The following TMEM116 variants were observed in gnomAD, a reference collection of about 807,000 sequenced individuals.
TMEM116 encodes transmembrane protein 116.
In TMEM116, 38 loss-of-function variants were observed where a neutral mutation model predicts 44.3. The observed-to-expected ratio is 0.86, with a 90% CI of 0.66 to 1.12. TMEM116 has a LOEUF of 1.12. Ranked by LOEUF, TMEM116 falls within the 50% of genes most tolerant of loss-of-function variation. The probability of loss-of-function intolerance (pLI) is 0.00; values close to 1 mark genes in which losing one functional copy is unlikely to be tolerated. For synonymous variants in TMEM116, 132 were observed against 144.8 expected (o/e 0.91, Z 0.64); for missense variants, 354 against 401.7 (o/e 0.88, Z 1.01).
In TMEM116 at chr12:111,966,333, G is replaced by C. The variant is rs141527855; in HGVS notation, c.211-22964C>G. Among the ~76,000 whole-genome samples, 910 of 152,184 alleles carry C rather than the reference G, an allele frequency of 6.0e-3. 15 individuals carry two copies. Among genetic ancestry groups the C allele is most frequent in the East Asian group, 0.04 (209 of 5,182 alleles). The stretch of plus-strand genomic sequence containing the variant: ...AAAAAAACAAAGAAGAAATTTAGCT[G>C]TGGTACCAGACTTAAGGTGATCTCG... On this transcript the variant is annotated intron_variant, in intron 4 of 10. Coordinates refer to ENST00000552374, the MANE Select transcript of TMEM116 (RefSeq NM_001193531.2).
intron 5 of TMEM116, among the ~76,000 whole-genome samples, chr12:111,939,210 C>G (rs904992418): frequency 6.6e-6 from 1 of 151,770 alleles, no homozygotes; most frequent in Non-Finnish European, 1.5e-5. Flanking sequence ...ATCCTAGCAC[C>G]ATGGGAGGCC....
chr12:111,937,287 A>T, intron 6 of TMEM116, 44 bp from the exon 7 acceptor site: 1 of 1,443,154 alleles, frequency 6.9e-7, no homozygotes, highest in Non-Finnish European at 9.7e-7. Context: ...ACTCTTTTTC[A>T]TGCCCTTCCT....
chr12:111,934,695 T>TTGAACC (rs1482423499), intron 8 of TMEM116: 2 of 151,716 alleles, frequency 1.3e-5, no homozygotes, highest in Admixed American at 6.6e-5. Context: ...GAGGCAGAGG[T>TTGAACC]TGTAGTGAGC....
chr12:111,994,478 C>A lies in TMEM116; in HGVS notation c.79-2589G>T, dbSNP rs564489548. Among the ~76,000 whole-genome samples, 12 of 152,232 alleles carry A rather than the reference C, an allele frequency of 7.9e-5. No individual in the cohort carries two copies. In the South Asian group the frequency reaches 2.5e-3, roughly 32 times the overall value. ...TTCTGGTCCTGTGATGCCGCCAATG[C>A]ACTGGATATACTGGCATTTATTATT... is the stretch of plus-strand genomic sequence containing the variant. On this transcript the variant is annotated intron_variant, in intron 3 of 10. Transcript: ENST00000552374.
chr12:111,938,250 G>C, intron 5 of TMEM116, 40 bp from the exon 6 acceptor site: 1 of 1,387,376 alleles, frequency 7.2e-7, no homozygotes, highest in Non-Finnish European at 9.9e-7. Context: ...TTAAGACATT[G>C]TCAATCATAT....
intron 3 of TMEM116, chr12:111,993,254 G>A: frequency 2.3e-6 from 1 of 443,176 alleles, no homozygotes. Flanking sequence ...TGGGTTTAGT[G>A]AAATGCTGTA....
chr12:111,984,492 CA>C (rs985802875), intron 4 of TMEM116, among the ~76,000 whole-genome samples: 1 of 151,644 alleles, frequency 6.6e-6, no homozygotes, highest in African/African-American at 2.4e-5. Context: ...GTAATGGGTA[CA>C]AAAAATATAT....
chr12:111,990,482 T>C (rs763656615), intron 4 of TMEM116, among the ~76,000 whole-genome samples: 2 of 152,222 alleles, frequency 1.3e-5, no homozygotes, highest in Non-Finnish European at 2.9e-5. Context: ...ATGAGGTTAT[T>C]AGCAGGACTG....
At chr12:111,948,676 T>C (rs1054395479) in intron 4 of TMEM116, among the ~76,000 whole-genome samples, 3 of 152,180 alleles carry the variant, frequency 2.0e-5, no homozygotes, top group African/African-American at 7.2e-5. Flanking sequence ...ACTAAAACTT[T>C]TAAAAATTTA....
chr12:111,945,097 C>T (rs1015928661), intron 4 of TMEM116, among the ~76,000 whole-genome samples: 1 of 112,824 alleles, frequency 8.9e-6, no homozygotes, highest in Non-Finnish European at 1.9e-5. Flanking sequence ...AAAAAAAAAG[C>T]AAGCCTTTAA....
chr12:111,963,819 T>A (rs970590709), intron 4 of TMEM116, among the ~76,000 whole-genome samples: 62 of 151,934 alleles, frequency 4.1e-4, no homozygotes, highest in African/African-American at 1.4e-3. Context: ...GTATTTTTTT[T>A]AAAAAAAGAA....
At chr12:112,009,424 T>A (rs986386299) in intron 1 of TMEM116, among the ~76,000 whole-genome samples, 1 of 151,732 alleles carries the variant, frequency 6.6e-6, no homozygotes, top group Non-Finnish European at 1.5e-5. Flanking sequence ...CCAAACCATA[T>A]GTCAAGGATC....
At chr12:111,965,163 G>A (rs993564165) in intron 4 of TMEM116, among the ~76,000 whole-genome samples, 6 of 152,036 alleles carry the variant, frequency 3.9e-5, no homozygotes, top group Admixed American at 1.3e-4. Context: ...ATAAATAAGG[G>A]AAGGCCCCAG....
chr12:111,941,001 T>C, intron 5 of TMEM116, among the ~76,000 whole-genome samples: 1 of 152,230 alleles, frequency 6.6e-6, no homozygotes, highest in East Asian at 1.9e-4. Context: ...TTACAGTATC[T>C]TTCAGTTACA....
intron 4 of TMEM116, among the ~76,000 whole-genome samples, chr12:111,976,064 A>C (rs1174821562): frequency 6.6e-6 from 1 of 151,960 alleles, no homozygotes; most frequent in Non-Finnish European, 1.5e-5. Flanking sequence ...GCTGGAGTGC[A>C]GTGGTGCGAT....
chr12:111,954,027 G>A (rs1593360330), intron 4 of TMEM116, among the ~76,000 whole-genome samples: 1 of 152,086 alleles, frequency 6.6e-6, no homozygotes, highest in East Asian at 1.9e-4. Context: ...CTAGTTTAAT[G>A]TTTAAAAAAC....
intron 5 of TMEM116, among the ~76,000 whole-genome samples, chr12:111,942,090 C>T (rs1469562371): frequency 1.3e-5 from 2 of 151,984 alleles, no homozygotes; most frequent in African/African-American, 4.8e-5. Context: ...AGGCATGCGC[C>T]ACCATGCCTG....
intron 4 of TMEM116, among the ~76,000 whole-genome samples, chr12:111,974,446 T>C (rs1004667060): frequency 4.6e-5 from 7 of 151,968 alleles, no homozygotes; most frequent in African/African-American, 1.7e-4. Flanking sequence ...GGTCAGGAGT[T>C]CGAGACCAGC....
chr12:112,006,811 C>A (rs2077606197), intron 1 of TMEM116, among the ~76,000 whole-genome samples: 1 of 152,218 alleles, frequency 6.6e-6, no homozygotes, highest in South Asian at 2.1e-4. Flanking sequence ...TGTAATTTAT[C>A]TTTCATCTAG....
Sources: allele counts gnomAD v4.1 joint callset (sites outside exome capture counted in the v4.1 genomes callset), GRCh38; gene constraint gnomAD v4.1.1; transcripts MANE v1.5; gene names NCBI Gene and HGNC (gene_info 2026-07-23, HGNC 2026-07-21).